Variants in CIMAP1D observed in about 807,000 individuals in gnomAD.
The protein encoded by CIMAP1D is protein CIMAP1D.
the CIMAP1D span, among the ~76,000 whole-genome samples, chr19:476,719 C>T: frequency 5.9e-5 from 9 of 152,220 alleles, no homozygotes; most frequent in South Asian, 1.9e-3. Context: ...ACCAACAATA[C>T]GATATCCAGG....
the CIMAP1D span, among the ~76,000 whole-genome samples, chr19:483,822 C>T: frequency 6.6e-6 from 1 of 152,204 alleles, no homozygotes. Context: ...CCCCGGAAGC[C>T]CCTGCAGCCA....
chr19:477,542 A>G, the CIMAP1D span, among the ~76,000 whole-genome samples: 1 of 151,440 alleles, frequency 6.6e-6, no homozygotes, highest in Admixed American at 6.6e-5. Context: ...AGCCAGGATC[A>G]CACCGCTGCA....
chr19:488,562 C>T, the CIMAP1D span, among the ~76,000 whole-genome samples: 2 of 152,270 alleles, frequency 1.3e-5, no homozygotes, highest in African/African-American at 4.8e-5. Context: ...TAACGAGCGC[C>T]CTCGTCCCTC....
the CIMAP1D span, among the ~76,000 whole-genome samples, chr19:470,035 C>T: frequency 6.6e-6 from 1 of 152,098 alleles, no homozygotes; most frequent in Non-Finnish European, 1.5e-5. Context: ...CCTATTCATC[C>T]TACAAAACCC....
At chr19:473,018 ACAT>A in the CIMAP1D span, among the ~76,000 whole-genome samples, 1 of 107,830 alleles carries the variant, frequency 9.3e-6, no homozygotes, top group Non-Finnish European at 2.1e-5. Flanking sequence ...AGGCAGAGAT[ACAT>A]GGTCACAGAT....
chr19:488,690 C>T, the CIMAP1D span, among the ~76,000 whole-genome samples: 1 of 152,246 alleles, frequency 6.6e-6, no homozygotes, highest in Non-Finnish European at 1.5e-5. Context: ...CGTCCCGGAA[C>T]CTGGATCCCC....
At chr19:478,901 G>A in the CIMAP1D span, among the ~76,000 whole-genome samples, 1 of 152,374 alleles carries the variant, frequency 6.6e-6, no homozygotes, top group Non-Finnish European at 1.5e-5. Flanking sequence ...GCCAGGCCCT[G>A]CTCAGGTGCT....
chr19:488,670 C>T, the CIMAP1D span, among the ~76,000 whole-genome samples: 1 of 152,260 alleles, frequency 6.6e-6, no homozygotes, highest in Non-Finnish European at 1.5e-5. Flanking sequence ...AGCCCCTACT[C>T]CAGAATCCGC....
chr19:491,590 G>C, the CIMAP1D span, among the ~76,000 whole-genome samples: 1 of 151,930 alleles, frequency 6.6e-6, no homozygotes, highest in Non-Finnish European at 1.5e-5. Context: ...CAGCTGACCA[G>C]GGCCCCAGGC....
At chr19:469,551 G>A in the CIMAP1D span, among the ~76,000 whole-genome samples, 4 of 152,058 alleles carry the variant, frequency 2.6e-5, no homozygotes, top group South Asian at 4.2e-4. Flanking sequence ...TTAGCCGGGC[G>A]TGGTGGCGGG....
chr19:463,602 G>T, the CIMAP1D span: 33 of 590,332 alleles, frequency 5.6e-5, no homozygotes, highest in Non-Finnish European at 8.5e-5. Flanking sequence ...GGCCTGGCCT[G>T]GCGTGACCTG....
the CIMAP1D span, among the ~76,000 whole-genome samples, chr19:482,343 G>T: frequency 3.3e-5 from 5 of 152,160 alleles, no homozygotes; most frequent in Admixed American, 2.0e-4. Flanking sequence ...CAGGTCTAGA[G>T]AGTAGAGCCT....
the CIMAP1D span, among the ~76,000 whole-genome samples, chr19:470,689 T>C: frequency 6.6e-6 from 1 of 152,170 alleles, no homozygotes; most frequent in South Asian, 2.1e-4. Context: ...AGCAGGCCTC[T>C]GTCCAAATCC....
the CIMAP1D span, among the ~76,000 whole-genome samples, chr19:474,056 C>G: frequency 6.6e-6 from 1 of 152,060 alleles, no homozygotes; most frequent in Non-Finnish European, 1.5e-5. Flanking sequence ...CAGAGATACA[C>G]GGTCACAGAC....
At chr19:468,124 C>G in the CIMAP1D span, among the ~76,000 whole-genome samples, 7 of 152,228 alleles carry the variant, frequency 4.6e-5, no homozygotes, top group African/African-American at 1.7e-4. Flanking sequence ...CCAGCACTTT[C>G]AGAGGCCGAG....
the CIMAP1D span, among the ~76,000 whole-genome samples, chr19:471,069 C>T: frequency 9.2e-5 from 14 of 152,396 alleles, no homozygotes; most frequent in Non-Finnish European, 1.6e-4. Flanking sequence ...GCTCAGGGCT[C>T]AGCCTCACAC....
chr19:486,332 A>C, the CIMAP1D span, among the ~76,000 whole-genome samples: 1 of 152,210 alleles, frequency 6.6e-6, no homozygotes, highest in African/African-American at 2.4e-5. Flanking sequence ...CTCACCGTAC[A>C]TTCTGCCTGA....
the CIMAP1D span, chr19:463,967 G>A: frequency 3.7e-5 from 59 of 1,611,242 alleles, no homozygotes; most frequent in Admixed American, 4.7e-4. Flanking sequence ...CTTTGTTCAC[G>A]GTGACCTGCT....
the CIMAP1D span, among the ~76,000 whole-genome samples, chr19:473,587 C>T: frequency 3.1e-5 from 3 of 95,828 alleles, no homozygotes; most frequent in Non-Finnish European, 4.0e-5. Context: ...AACTGAGGCC[C>T]AGGCAGAGAT....
Sources: allele counts gnomAD v4.1 joint callset (sites outside exome capture counted in the v4.1 genomes callset), GRCh38; gene constraint gnomAD v4.1.1; transcripts MANE v1.5; gene names NCBI Gene and HGNC (gene_info 2026-07-23, HGNC 2026-07-21).